Variants in UMAD1 observed in about 807,000 individuals in gnomAD.
UMAD1 encodes UBAP1-MVB12-associated (UMA) domain containing 1.
UMAD1 carries 8 observed loss-of-function variants against 6.1 expected under a neutral mutation model. The observed-to-expected ratio is 1.30, with a 90% CI of 0.76 to 2.35. The LOEUF (loss-of-function observed/expected upper bound fraction) is 2.35. Ranked by LOEUF, UMAD1 falls within the 30% of genes most tolerant of loss-of-function variation. The pLI, the probability that UMAD1 is intolerant of heterozygous loss-of-function variation, is 0.00. For missense variants in UMAD1, 130 were observed against 78.4 expected, an observed-to-expected ratio of 1.66 and a Z score of -2.49; for synonymous variants, 56 against 31.4, an observed-to-expected ratio of 1.78 and a Z score of -2.61.
intron 2 of UMAD1, among the ~76,000 whole-genome samples, chr7:7,694,184 A>C (rs1019654307): frequency 1.3e-5 from 2 of 152,144 alleles, no homozygotes; most frequent in African/African-American, 2.4e-5. Flanking sequence ...TTTTCTCCTC[A>C]TGACTAGTGA....
At chr7:7,784,756 CTTTTTT>C (rs71014716) in intron 2 of UMAD1, among the ~76,000 whole-genome samples, 25 of 78,534 alleles carry the variant, frequency 3.2e-4, no homozygotes, top group African/African-American at 1.2e-3. Context: ...GCCCTTCCTT[CTTTTTT>C]TTTTTTTTTT....
chr7:7,760,176 C>T (rs916598917), intron 2 of UMAD1, among the ~76,000 whole-genome samples: 4 of 152,024 alleles, frequency 2.6e-5, no homozygotes, highest in African/African-American at 4.8e-5. Context: ...ATCTGGTTGA[C>T]GTTCCCAGCT....
At chr7:7,780,510 T>A (rs1055436773) in intron 2 of UMAD1, among the ~76,000 whole-genome samples, 2 of 152,240 alleles carry the variant, frequency 1.3e-5, no homozygotes, top group Admixed American at 6.5e-5. Context: ...ATAGCATACA[T>A]GCAGAAACAT....
intron 1 of UMAD1, among the ~76,000 whole-genome samples, chr7:7,654,902 C>CAAA (rs71010994): frequency 2.9e-5 from 4 of 139,416 alleles, no homozygotes; most frequent in Admixed American, 7.1e-5. Flanking sequence ...GACTCTGTCT[C>CAAA]AAAAAAAAAA....
chr7:7,733,077 C>CA (rs1309881390), intron 2 of UMAD1, among the ~76,000 whole-genome samples: 62 of 152,206 alleles, frequency 4.1e-4, no homozygotes, highest in African/African-American at 1.5e-3. Flanking sequence ...AGTCTTAAGC[C>CA]AGAAATGTCA....
At chr7:7,768,142 G>T (rs1329280296) in intron 2 of UMAD1, among the ~76,000 whole-genome samples, 1 of 151,860 alleles carries the variant, frequency 6.6e-6, no homozygotes, top group Non-Finnish European at 1.5e-5. Flanking sequence ...TTAATATTAT[G>T]ATTTGTTTTT....
chr7:7,840,478 G>A (rs555490197), intron 3 of UMAD1, among the ~76,000 whole-genome samples: 42 of 152,234 alleles, frequency 2.8e-4, no homozygotes, highest in Admixed American at 2.5e-3. Context: ...GTGCATTTAG[G>A]TTCACGTAGC....
intron 2 of UMAD1, among the ~76,000 whole-genome samples, chr7:7,697,024 T>G (rs983204904): frequency 6.6e-6 from 1 of 152,194 alleles, no homozygotes; most frequent in African/African-American, 2.4e-5. Flanking sequence ...CTGTATAACT[T>G]CTGTCTTAGT....
At chr7:7,683,803 G>T (rs567933301) in intron 2 of UMAD1, among the ~76,000 whole-genome samples, 1 of 152,116 alleles carries the variant, frequency 6.6e-6, no homozygotes, top group South Asian at 2.1e-4. Flanking sequence ...TTGTATTTTG[G>T]ATAGAGACAG....
chr7:7,792,668 A>G (rs1186032954), intron 2 of UMAD1, among the ~76,000 whole-genome samples: 1 of 152,212 alleles, frequency 6.6e-6, no homozygotes, highest in Non-Finnish European at 1.5e-5. Flanking sequence ...GATTACATGT[A>G]CGGGCCTTCC....
intron 3 of UMAD1, among the ~76,000 whole-genome samples, chr7:7,856,442 TACTC>T (rs1381094041): frequency 6.6e-6 from 1 of 152,150 alleles, no homozygotes; most frequent in African/African-American, 2.4e-5. Flanking sequence ...TGTGAGAACT[TACTC>T]ACTATCACAA....
At chr7:7,817,191 A>G (rs549941720) in intron 3 of UMAD1, among the ~76,000 whole-genome samples, 1 of 152,016 alleles carries the variant, frequency 6.6e-6, no homozygotes, top group Non-Finnish European at 1.5e-5. Context: ...CATCCTTCAA[A>G]CCCCTGCTCA....
intron 1 of UMAD1, among the ~76,000 whole-genome samples, chr7:7,665,810 C>T (rs1779435137): frequency 6.6e-6 from 1 of 150,584 alleles, no homozygotes. Flanking sequence ...TATTGTCTGG[C>T]TTCTTTCCAT....
intron 2 of UMAD1, among the ~76,000 whole-genome samples, chr7:7,710,028 G>A (rs1052261100): frequency 5.9e-5 from 9 of 152,014 alleles, no homozygotes; most frequent in African/African-American, 2.2e-4. Context: ...TATAAATCGA[G>A]TCACTCACAA....
At chr7:7,847,020 A>G (rs1216337268) in intron 3 of UMAD1, among the ~76,000 whole-genome samples, 1 of 133,152 alleles carries the variant, frequency 7.5e-6, no homozygotes, top group Non-Finnish European at 1.6e-5. Context: ...ACTAACCTGC[A>G]CAATATGCAC....
chr7:7,751,481 A>G (rs1408517593), intron 2 of UMAD1, among the ~76,000 whole-genome samples: 3 of 152,212 alleles, frequency 2.0e-5, no homozygotes, highest in Admixed American at 2.0e-4. Flanking sequence ...GAAATGAGGA[A>G]TGTAAGCAAT....
At chr7:7,762,464 C>T (rs959660759) in intron 2 of UMAD1, among the ~76,000 whole-genome samples, 12 of 152,100 alleles carry the variant, frequency 7.9e-5, no homozygotes, top group Admixed American at 2.0e-4. Context: ...TTTCATTTTT[C>T]GTGGGTCTTG....
At chr7:7,826,056 GT>G (rs1013328238) in intron 3 of UMAD1, among the ~76,000 whole-genome samples, 3 of 152,002 alleles carry the variant, frequency 2.0e-5, no homozygotes, top group Non-Finnish European at 2.9e-5. Flanking sequence ...TGTTGTATTG[GT>G]TTTTTTCTAA....
intron 2 of UMAD1, among the ~76,000 whole-genome samples, chr7:7,797,912 C>G (rs1021541080): frequency 3.3e-5 from 5 of 152,170 alleles, no homozygotes; most frequent in Non-Finnish European, 7.3e-5. Context: ...GTCTTGAATT[C>G]CAGACCTCAA....
Sources: gnomAD v4.1 joint callset for allele counts (sites outside exome capture counted in the v4.1 genomes callset) on GRCh38, gnomAD v4.1.1 for gene constraint, MANE v1.5 for transcripts, NCBI Gene and HGNC (gene_info 2026-07-23, HGNC 2026-07-21) for gene names.